PTPRN2: variants seen among roughly 807,000 people sequenced by gnomAD.
The protein encoded by PTPRN2 is receptor-type tyrosine-protein phosphatase N2.
PTPRN2 carries 74 observed loss-of-function variants against 118.8 expected under a neutral mutation model. The observed-to-expected ratio is 0.62, with a 90% CI of 0.52 to 0.76. PTPRN2 has a LOEUF of 0.76. PTPRN2 is among the 30% of genes least tolerant of loss of function. PTPRN2 has a pLI of 0.00. For missense variants in PTPRN2, 1,481 were observed against 1,394.4 expected, an observed-to-expected ratio of 1.06 and a Z score of -0.99; for synonymous variants, 641 against 608.0, an observed-to-expected ratio of 1.05 and a Z score of -0.80.
At position 157,701,789 on chromosome 7, in the gene PTPRN2, A is replaced by G. The variant is rs532422439; in HGVS notation, c.1789-18852T>C. On this transcript the variant is annotated intron_variant, in intron 12 of 22. Transcript: ENST00000389418. The stretch of plus-strand genomic sequence containing the variant: ...AACTGACACGGGCTGTGGGTTTGTA[A>G]GAGAGCCGGGTAGGTGCTGGTGTAA... Among the ~76,000 whole-genome samples the G allele has an allele frequency of 8.6e-5, 13 of 151,534 alleles. 1 individual carries two copies. In the East Asian group the frequency reaches 2.5e-3, roughly 29 times the overall value.
intron 11 of PTPRN2, among the ~76,000 whole-genome samples, chr7:158,050,374 A>C (rs912701075): frequency 3.3e-5 from 5 of 152,228 alleles, no homozygotes; most frequent in African/African-American, 1.2e-4. Flanking sequence ...TCTTTGGCTC[A>C]GTGTCCTCCA....
chr7:158,123,947 C>A (rs1057017627), intron 9 of PTPRN2, among the ~76,000 whole-genome samples: 1 of 149,448 alleles, frequency 6.7e-6, no homozygotes, highest in African/African-American at 2.5e-5. Flanking sequence ...CCCGTGCCGA[C>A]CCAGGCGGAG....
At chr7:158,489,534 C>G (rs989123399) in intron 2 of PTPRN2, among the ~76,000 whole-genome samples, 2 of 152,230 alleles carry the variant, frequency 1.3e-5, no homozygotes, top group African/African-American at 4.8e-5. Context: ...GAGCGATGGG[C>G]GCCCAGAACC....
At chr7:158,152,198 A>G (rs561489275) in intron 6 of PTPRN2, among the ~76,000 whole-genome samples, 1 of 127,874 alleles carries the variant, frequency 7.8e-6, no homozygotes, top group African/African-American at 2.7e-5. Flanking sequence ...AAAACCATGA[A>G]TGCACAGAAT....
At chr7:158,362,649 C>G (rs914736038) in intron 2 of PTPRN2, among the ~76,000 whole-genome samples, 1 of 152,192 alleles carries the variant, frequency 6.6e-6, no homozygotes, top group Non-Finnish European at 1.5e-5. Flanking sequence ...AAGATATATT[C>G]TAAGGAGATA....
intron 3 of PTPRN2, among the ~76,000 whole-genome samples, chr7:158,218,111 A>G (rs756994751): frequency 5.3e-5 from 8 of 152,152 alleles, no homozygotes; most frequent in Non-Finnish European, 8.8e-5. Context: ...GATACTATAT[A>G]AGATGACCAT....
chr7:158,204,099 G>A (rs1429003737), intron 4 of PTPRN2, among the ~76,000 whole-genome samples: 1 of 150,966 alleles, frequency 6.6e-6, no homozygotes, highest in African/African-American at 2.4e-5. Context: ...CGAAGCCCCC[G>A]CCCTCGGTGT....
chr7:157,772,314 TAG>T (rs796811515), intron 12 of PTPRN2, among the ~76,000 whole-genome samples: 1 of 68,722 alleles, frequency 1.5e-5, no homozygotes. Flanking sequence ...CAGACACACA[TAG>T]ACACAGACAC....
intron 2 of PTPRN2, among the ~76,000 whole-genome samples, chr7:158,375,124 G>A (rs1278194335): frequency 6.6e-6 from 1 of 151,426 alleles, no homozygotes; most frequent in South Asian, 2.1e-4. Flanking sequence ...GTGGCAGTGA[G>A]ACCCTAAATA....
At position 157,595,282 on chromosome 7, in the gene PTPRN2, C is replaced by T. The variant is rs757745163; in HGVS notation, c.2452G>A (p.Ala818Thr). 14 of 1,614,024 alleles carry T rather than the reference C, an allele frequency of 8.7e-6. No homozygotes were observed. The East Asian group carries it at 2.0e-4, about 23-fold the overall frequency. ...DHDPRNPAYIATQGPLPATVA... is the reference protein window; with the variant it reads ...DHDPRNPAYITTQGPLPATVA... ...GTGGCGGGCAGCGGTCCCTGGGTGG[C>T]GATGTACGCGGGGTTCCTCGGGTCG... The change falls in exon 17 of 23, where the codon GCC becomes ACC. Residue 818 changes from alanine (A) to threonine (T), a missense_variant. Ala to Thr is a moderately conservative substitution (Grantham distance 58). Transcript: ENST00000389418.
chr7:157,548,181 A>G (rs549650363), intron 22 of PTPRN2, among the ~76,000 whole-genome samples: 1 of 152,204 alleles, frequency 6.6e-6, no homozygotes, highest in East Asian at 1.9e-4. Context: ...GTGCCACTGC[A>G]CTCCAGCCTG....
chr7:158,410,719 G>A (rs937915123), intron 2 of PTPRN2, among the ~76,000 whole-genome samples: 1 of 152,246 alleles, frequency 6.6e-6, no homozygotes, highest in Non-Finnish European at 1.5e-5. Flanking sequence ...ATTATTGAAG[G>A]ACCTTGAGGT....
intron 12 of PTPRN2, among the ~76,000 whole-genome samples, chr7:157,879,680 C>T (rs1004517436): frequency 6.6e-6 from 1 of 151,994 alleles, no homozygotes; most frequent in Non-Finnish European, 1.5e-5. Flanking sequence ...GTGTGAACCC[C>T]AGCATTGGTG....
chr7:157,855,016 C>T (rs1311209798), intron 12 of PTPRN2: 1 of 166,732 alleles, frequency 6.0e-6, no homozygotes, highest in Non-Finnish European at 1.3e-5. Flanking sequence ...GTGTGTGGGG[C>T]TGGATCAGGG....
chr7:158,206,513 G>A (rs184174387), intron 3 of PTPRN2, among the ~76,000 whole-genome samples: 2 of 152,272 alleles, frequency 1.3e-5, no homozygotes, highest in East Asian at 3.9e-4. Context: ...TAGTGGTGGG[G>A]TGGCCACAGA....
intron 3 of PTPRN2, among the ~76,000 whole-genome samples, chr7:158,276,039 T>C (rs1037123054): frequency 6.6e-6 from 1 of 152,176 alleles, no homozygotes. Flanking sequence ...GACTTTTATC[T>C]GCACAAATCC....
intron 1 of PTPRN2, among the ~76,000 whole-genome samples, chr7:158,560,924 C>T (rs1026110868): frequency 2.0e-5 from 3 of 152,244 alleles, no homozygotes; most frequent in Admixed American, 6.5e-5. Flanking sequence ...ATATGTTGTT[C>T]CTTCACGTGT....
At chr7:157,707,383 A>ACC (rs111762867) in intron 12 of PTPRN2, among the ~76,000 whole-genome samples, 13 of 151,040 alleles carry the variant, frequency 8.6e-5, no homozygotes, top group African/African-American at 2.7e-4. Flanking sequence ...GTGCATGGAC[A>ACC]CCCCCCCCAC....
At chr7:157,947,206 C>A (rs1037274775) in intron 11 of PTPRN2, among the ~76,000 whole-genome samples, 4 of 107,584 alleles carry the variant, frequency 3.7e-5, no homozygotes, top group Non-Finnish European at 5.5e-5. Context: ...TCCATCAGGT[C>A]GAGTAGTGAC....
Sources: gnomAD v4.1 joint callset for allele counts (sites outside exome capture counted in the v4.1 genomes callset) on GRCh38, gnomAD v4.1.1 for gene constraint, MANE v1.5 for transcripts, NCBI Gene and HGNC (gene_info 2026-07-23, HGNC 2026-07-21) for gene names.